The following SLMAP variants were observed in gnomAD, a reference collection of about 807,000 sequenced individuals.
SLMAP encodes sarcolemma associated protein, also known as sarcolemmal membrane-associated protein.
SLMAP carries 44 observed loss-of-function variants against 128.8 expected under a neutral mutation model. The observed-to-expected ratio is 0.34, with a 90% confidence interval of 0.27 to 0.44. The LOEUF is 0.44. Among genes scored for constraint, SLMAP ranks in the 20% least tolerant of loss-of-function variants. The pLI is 1.00. For missense variants in SLMAP, 787 were observed against 985.3 expected (o/e 0.80, Z 2.69); for synonymous variants, 327 against 348.8 (o/e 0.94, Z 0.70).
chr3:57,830,621 T>C (rs1013026790), intron 2 of SLMAP, among the ~76,000 whole-genome samples: 3 of 152,178 alleles, frequency 2.0e-5, no homozygotes, highest in African/African-American at 7.2e-5. Flanking sequence ...TTTCTGTTTT[T>C]AAAGAGGGAG....
chr3:57,897,066 G>A lies in SLMAP; in HGVS notation c.1501+134G>A. The A allele has an allele frequency of 2.1e-6, 3 of 1,420,926 alleles. No homozygotes were observed. The South Asian group carries it at 5.2e-5, about 24-fold the overall frequency. 88.0% of individuals were successfully genotyped at this position (1,420,926 alleles called of 1,614,324 possible). A position where few individuals can be genotyped will look rare whatever the true frequency, so the allele number is the denominator to read the frequency against. On this transcript the variant is annotated intron_variant, in intron 17 of 24. Transcript: ENST00000671191. ...AAGATAGGTTCTGTAAAGTAGCAGG[G>A]ACTAAAAATTTAAAGTTTTGGTGTT...
chr3:57,881,199 A>G (rs546643998), intron 14 of SLMAP, among the ~76,000 whole-genome samples: 6 of 152,190 alleles, frequency 3.9e-5, no homozygotes, highest in African/African-American at 1.4e-4. Flanking sequence ...ATCTCAAAAA[A>G]AAAAAGTTTT....
chr3:57,808,978 C>G (rs2090429735), intron 2 of SLMAP, among the ~76,000 whole-genome samples: 1 of 152,186 alleles, frequency 6.6e-6, no homozygotes, highest in South Asian at 2.1e-4. Context: ...GCTAGCTCTT[C>G]TTGTTGAATT....
intron 17 of SLMAP, chr3:57,899,587 CA>C (rs1260516738): frequency 6.6e-6 from 1 of 151,952 alleles, no homozygotes; most frequent in Admixed American, 6.6e-5. Flanking sequence ...TTTTTAGAGA[CA>C]GGGGTCTTGC....
chr3:57,858,933 ACT>A (rs2094917075), intron 8 of SLMAP, among the ~76,000 whole-genome samples: 3 of 151,880 alleles, frequency 2.0e-5, no homozygotes, highest in African/African-American at 7.3e-5. Context: ...CAAGAGTGAA[ACT>A]CTGTCTCAAC....
intron 5 of SLMAP, among the ~76,000 whole-genome samples, chr3:57,847,475 A>G (rs1479333748): frequency 2.0e-5 from 3 of 152,200 alleles, no homozygotes; most frequent in Non-Finnish European, 4.4e-5. Context: ...AACTAGGAGT[A>G]CCTGTTTTGT....
intron 16 of SLMAP, 24 bp from the exon 17 acceptor site, chr3:57,896,849 T>C (rs778499907): frequency 6.3e-7 from 1 of 1,581,918 alleles, no homozygotes; most frequent in Non-Finnish European, 8.6e-7. Context: ...TGTAATTATA[T>C]ATGTATTTTT....
chr3:57,769,025 C>T (rs1226535656), intron 2 of SLMAP, among the ~76,000 whole-genome samples: 1 of 152,010 alleles, frequency 6.6e-6, no homozygotes, highest in East Asian at 1.9e-4. Context: ...TTCTGTTTTT[C>T]TAGAGCCTTG....
At position 57,798,317 on chromosome 3, in the gene SLMAP, T is replaced by C. The variant is rs575754970; in HGVS notation, c.199-33066T>C. ...CTTGCTTTGTTTACTTGTCTTGTTC[T>C]TATATAGGCGGCTGCTTTGGGGCCC... is the stretch of plus-strand genomic sequence containing the variant. On this transcript the variant is annotated intron_variant, in intron 2 of 24. Coordinates refer to ENST00000671191, the MANE Select transcript of SLMAP (RefSeq NM_001377540.1). Among the ~76,000 whole-genome samples the C allele has an allele frequency of 1.5e-4, 23 of 152,322 alleles. No individual in the cohort carries two copies. The South Asian group carries it at 4.6e-3, about 30-fold the overall frequency.
At chr3:57,909,283 C>T (rs2096637151) in intron 19 of SLMAP, 133 bp downstream of exon 19, 2 of 622,792 alleles carry the variant, frequency 3.2e-6, no homozygotes, top group South Asian at 2.1e-5. Flanking sequence ...GGGTGGATCT[C>T]CTGAGGTCAG....
At chr3:57,766,295 C>G (rs1404987119) in intron 2 of SLMAP, among the ~76,000 whole-genome samples, 3 of 150,808 alleles carry the variant, frequency 2.0e-5, no homozygotes, top group Non-Finnish European at 2.9e-5. Context: ...GGATTACAGG[C>G]GTGAGCCACC....
intron 17 of SLMAP, 57 bp downstream of exon 17, chr3:57,896,989 A>G (rs762608342): frequency 4.3e-5 from 69 of 1,608,498 alleles, no homozygotes; most frequent in Non-Finnish European, 5.6e-5. Flanking sequence ...ACCCTTTGCC[A>G]TAAAATCTGT....
chr3:57,762,710 GT>G (rs752054975), intron 2 of SLMAP, among the ~76,000 whole-genome samples: 119 of 107,782 alleles, frequency 1.1e-3, no homozygotes, highest in East Asian at 3.4e-3. Context: ...TAGTAGAATG[GT>G]TTTTTTTTTT....
intron 2 of SLMAP, among the ~76,000 whole-genome samples, chr3:57,817,644 G>C (rs1170029765): frequency 6.6e-6 from 1 of 152,150 alleles, no homozygotes; most frequent in Admixed American, 6.5e-5. Flanking sequence ...TCCTCATTCT[G>C]TTGGCTCATG....
At chr3:57,853,955 T>TTATTTATATATA (rs1553880926) in intron 6 of SLMAP, among the ~76,000 whole-genome samples, 6 of 31,938 alleles carry the variant, frequency 1.9e-4, no homozygotes, top group Non-Finnish European at 2.6e-4. Context: ...AAAAAAAAAA[T>TTATTTATATATA]TATATATATA....
intron 19 of SLMAP, among the ~76,000 whole-genome samples, chr3:57,911,157 T>A (rs890466527): frequency 3.9e-5 from 6 of 152,158 alleles, no homozygotes; most frequent in African/African-American, 1.4e-4. Context: ...ACCTTTTTTT[T>A]AAAACCTGTC....
At chr3:57,837,614 C>A (rs564045238) in intron 3 of SLMAP, among the ~76,000 whole-genome samples, 31 of 152,298 alleles carry the variant, frequency 2.0e-4, no homozygotes, top group African/African-American at 7.5e-4. Context: ...CGTGATCTGC[C>A]TACCTCGGCC....
intron 2 of SLMAP, among the ~76,000 whole-genome samples, chr3:57,770,062 A>C (rs1414335305): frequency 6.6e-6 from 1 of 152,238 alleles, no homozygotes; most frequent in Admixed American, 6.5e-5. Context: ...GATGAACTGT[A>C]CTAGTTTGAT....
At chr3:57,846,520 C>T in intron 4 of SLMAP, among the ~76,000 whole-genome samples, 1 of 150,538 alleles carries the variant, frequency 6.6e-6, no homozygotes, top group East Asian at 1.9e-4. Context: ...TTTAAAAGAA[C>T]ATAATTTACA....
Sources: allele counts gnomAD v4.1 joint callset (sites outside exome capture counted in the v4.1 genomes callset), GRCh38; gene constraint gnomAD v4.1.1; transcripts MANE v1.5; gene names NCBI Gene and HGNC (gene_info 2026-07-23, HGNC 2026-07-21).